The following PGR variants were observed in gnomAD, a reference collection of about 807,000 sequenced individuals.
PGR encodes the protein nuclear receptor subfamily 3 group C member 3.
A neutral mutation model predicts 76.1 loss-of-function variants in PGR; 25 were observed. That is an observed-to-expected ratio of 0.33 (90% CI 0.24 to 0.46). The LOEUF (loss-of-function observed/expected upper bound fraction) is 0.46, where lower values mean the gene tolerates loss of function less well. Among genes scored for constraint, PGR ranks in the 20% least tolerant of loss-of-function variants. PGR has a pLI of 1.00. For synonymous variants in PGR, 579 were observed against 535.0 expected (o/e 1.08, Z -1.14); for missense variants, 1,172 against 1,225.3 (o/e 0.96, Z 0.65).
At chr11:101,126,640 T>C (rs1035975207) in intron 1 of PGR, among the ~76,000 whole-genome samples, 24 of 152,228 alleles carry the variant, frequency 1.6e-4, no homozygotes, top group Non-Finnish European at 1.0e-4. Context: ...GTTTGTCATT[T>C]TAAAGTATTG....
intron 3 of PGR, among the ~76,000 whole-genome samples, chr11:101,085,020 TA>T (rs1157194645): frequency 6.6e-5 from 10 of 152,212 alleles, no homozygotes; most frequent in Non-Finnish European, 1.3e-4. Context: ...CTGATAGCAT[TA>T]GATCATCAAG....
rs1591437769 is a variant in PGR at position 101,127,368 on chromosome 11, G to A, written c.1637+66C>T. Reference sequence around the variant, plus strand: ...GCTGGGGCTGGGGCTGAGGGTTGGCGGCCGCCGCCGCCAACGGAACCGCTA... The same window carrying A: ...GCTGGGGCTGGGGCTGAGGGTTGGCAGCCGCCGCCGCCAACGGAACCGCTA... On this transcript the variant is annotated intron_variant, in intron 1 of 7. Transcript: ENST00000325455. The A allele has an allele frequency of 1.2e-5, 15 of 1,276,154 alleles. No individual in the cohort carries two copies. The East Asian group carries it at 4.3e-4, about 37-fold the overall frequency. 79.1% of individuals were successfully genotyped at this position (1,276,154 alleles called of 1,614,324 possible).
In PGR at chr11:101,031,767, G is replaced by C. The variant is rs897838162; in HGVS notation, c.*7349C>G. On this transcript the variant is annotated 3_prime_UTR_variant, in exon 8 of 8. Transcript: ENST00000325455. ...TTCCATAGAAGGAATCCCAGATAAG[G>C]CTTTTTAAAAGCCGAGCCCAGCCAT... The C allele has an allele frequency of 2.2e-5, 5 of 227,762 alleles. No individual in the cohort carries two copies. The highest frequency in any genetic ancestry group is 1.1e-4 in the African/African-American group (5 of 45,032). The allele number at this position is 227,762 out of a possible 1,614,324, so 14.1% of individuals were successfully genotyped here.
At chr11:101,126,192 T>C (rs1212627360) in intron 1 of PGR, 34 bp from the exon 2 acceptor site, 1 of 1,607,556 alleles carries the variant, frequency 6.2e-7, no homozygotes, top group Non-Finnish European at 8.5e-7. Context: ...CCATTTATTT[T>C]TAAGTGCACC....
chr11:101,073,396 C>A (rs542865584), intron 3 of PGR, among the ~76,000 whole-genome samples: 7 of 151,986 alleles, frequency 4.6e-5, no homozygotes, highest in Non-Finnish European at 1.0e-4. Flanking sequence ...AAAATTGACA[C>A]GCTAATATCA....
chr11:101,125,940 A>G (rs1862827268), intron 2 of PGR, 67 bp downstream of exon 2: 1 of 1,325,288 alleles, frequency 7.5e-7, no homozygotes, highest in East Asian at 2.3e-5. Context: ...ATTGAAATCT[A>G]TACAATATTA....
At position 101,038,132 on chromosome 11, in the gene PGR, T is replaced by C. The variant is rs1384191459; in HGVS notation, c.*984A>G. On this transcript the variant is annotated 3_prime_UTR_variant, in exon 8 of 8. Coordinates refer to ENST00000325455, the MANE Select transcript of PGR (RefSeq NM_000926.4). ...GAAACATAATATGAATTCATGATAG[T>C]GGAGGATAAAGAGGAGAAAGGTATG... 1.5e-5 allele frequency: 3 copies of C among 193,694 alleles called. No individual in the cohort carries two copies. The highest frequency in any genetic ancestry group is 3.2e-5 in the Non-Finnish European group (3 of 92,922). The allele number at this position is 193,694 out of a possible 1,614,324, so 12.0% of individuals were successfully genotyped here. A position where few individuals can be genotyped will look rare whatever the true frequency, so the allele number is the denominator to read the frequency against.
At chr11:101,120,987 A>C (rs1862656655) in intron 2 of PGR, among the ~76,000 whole-genome samples, 1 of 152,230 alleles carries the variant, frequency 6.6e-6, no homozygotes, top group Admixed American at 6.5e-5. Context: ...TGAACAGATG[A>C]CACCAAATGC....
intron 3 of PGR, chr11:101,062,955 C>A: frequency 2.1e-6 from 1 of 466,140 alleles, no homozygotes; most frequent in Non-Finnish European, 3.8e-6. Context: ...AAAATTTAGG[C>A]CTCAGACTTG....
At chr11:101,087,031 A>C (rs1289929714) in intron 3 of PGR, among the ~76,000 whole-genome samples, 2 of 152,246 alleles carry the variant, frequency 1.3e-5, no homozygotes, top group South Asian at 4.1e-4. Context: ...TACAGATTCA[A>C]TGTTATTCCT....
intron 7 of PGR, among the ~76,000 whole-genome samples, chr11:101,040,170 A>G (rs1351244238): frequency 2.6e-5 from 4 of 151,942 alleles, no homozygotes; most frequent in East Asian, 1.9e-4. Context: ...TGTTTTCTCT[A>G]TATTTGTCTC....
chr11:101,096,098 C>T (rs1019481287), intron 2 of PGR, among the ~76,000 whole-genome samples: 1 of 151,926 alleles, frequency 6.6e-6, no homozygotes, highest in African/African-American at 2.4e-5. Context: ...TTATAGTTAC[C>T]AAACAGAATG....
At chr11:101,092,771 CT>C (rs1375347365) in intron 2 of PGR, among the ~76,000 whole-genome samples, 1 of 152,124 alleles carries the variant, frequency 6.6e-6, no homozygotes, top group African/African-American at 2.4e-5. Flanking sequence ...TTGACACTCT[CT>C]TTTTTTCCCA....
Position 101,127,724 on chromosome 11 carries a change from C to G in PGR, c.1347G>C (p.Ser449=). 1.9e-6 allele frequency: 3 copies of G among 1,585,878 alleles called. No homozygotes were observed. In the South Asian group the frequency reaches 3.4e-5, roughly 18 times the overall value. The change falls in exon 1 of 8, where the codon TCG becomes TCC. Residue 449 remains serine (S), a synonymous_variant. Transcript: ENST00000325455. The part of the protein sequence containing the change: ...VTAAPASASV[S]SASSSGSTLE... ...GGGTCGACCCCGAGGAGGACGCAGA[C>G]GAGACTGAGGCACTGGCGGGTGCGG...
intron 2 of PGR, among the ~76,000 whole-genome samples, chr11:101,124,836 C>A (rs1862789145): frequency 6.6e-6 from 1 of 152,126 alleles, no homozygotes; most frequent in Non-Finnish European, 1.5e-5. Context: ...AAAATGCAAT[C>A]AAACCCCCTA....
intron 3 of PGR, among the ~76,000 whole-genome samples, chr11:101,067,241 C>T (rs1860753966): frequency 6.6e-6 from 1 of 152,070 alleles, no homozygotes; most frequent in African/African-American, 2.4e-5. Flanking sequence ...TGCATATCGC[C>T]TTATCAGATA....
At chr11:101,107,107 ATG>A (rs1339272375) in intron 2 of PGR, among the ~76,000 whole-genome samples, 1 of 152,126 alleles carries the variant, frequency 6.6e-6, no homozygotes, top group Non-Finnish European at 1.5e-5. Context: ...GAAATACCTA[ATG>A]TAGGTGACGG....
At chr11:101,042,549 G>A (rs1859726770) in intron 6 of PGR, among the ~76,000 whole-genome samples, 1 of 151,660 alleles carries the variant, frequency 6.6e-6, no homozygotes. Flanking sequence ...TCAAGTATTT[G>A]CCATTAAGAT....
intron 2 of PGR, among the ~76,000 whole-genome samples, chr11:101,123,073 C>A (rs1591434490): frequency 6.6e-6 from 1 of 152,296 alleles, no homozygotes; most frequent in East Asian, 1.9e-4. Context: ...ATTCTGGATT[C>A]ATACCACCTG....
Sources: allele counts gnomAD v4.1 joint callset (sites outside exome capture counted in the v4.1 genomes callset), GRCh38; gene constraint gnomAD v4.1.1; transcripts MANE v1.5; gene names NCBI Gene and HGNC (gene_info 2026-07-23, HGNC 2026-07-21).